Variants in DYTN observed in about 807,000 individuals in gnomAD.
The protein encoded by DYTN is dystrotelin.
A neutral mutation model predicts 69.6 loss-of-function variants in DYTN; 75 were observed. The observed-to-expected ratio is 1.08, with a 90% CI of 0.89 to 1.31. The LOEUF (loss-of-function observed/expected upper bound fraction) is 1.31, where lower values mean the gene tolerates loss of function less well. Ranked by LOEUF, DYTN falls within the 50% of genes most tolerant of loss-of-function variation. The pLI is 0.00. For synonymous variants in DYTN, 252 were observed against 249.1 expected (o/e 1.01, Z -0.11); for missense variants, 726 against 688.4 (o/e 1.05, Z -0.61).
intron 7 of DYTN, among the ~76,000 whole-genome samples, chr2:206,696,632 G>C (rs1699922479): frequency 6.6e-6 from 1 of 152,166 alleles, no homozygotes. Flanking sequence ...GAGAGTTTAA[G>C]TAACTTGCAC....
chr2:206,681,202 G>A (rs1699746908), intron 9 of DYTN, among the ~76,000 whole-genome samples: 1 of 152,154 alleles, frequency 6.6e-6, no homozygotes, highest in Admixed American at 6.6e-5. Context: ...AGGAATACTT[G>A]TGATTTTTGC....
intron 9 of DYTN, among the ~76,000 whole-genome samples, chr2:206,692,032 T>A (rs1337779410): frequency 6.6e-6 from 1 of 152,134 alleles, no homozygotes; most frequent in African/African-American, 2.4e-5. Flanking sequence ...CTCAACACTT[T>A]GGGAGGCCGA....
At chr2:206,715,415 C>G (rs781029031) in intron 1 of DYTN, among the ~76,000 whole-genome samples, 14 of 152,136 alleles carry the variant, frequency 9.2e-5, no homozygotes, top group African/African-American at 3.4e-4. Flanking sequence ...AGCCCGCCAG[C>G]TGCCCGTATA....
chr2:206,678,915 A>G (rs1701979085), intron 9 of DYTN: 1 of 152,218 alleles, frequency 6.6e-6, no homozygotes, highest in African/African-American at 2.4e-5. Flanking sequence ...TGAACATCTT[A>G]AAAAGAATCC....
At chr2:206,686,743 C>T (rs1699813805) in intron 9 of DYTN, 1 of 152,350 alleles carries the variant, frequency 6.6e-6, no homozygotes. Flanking sequence ...TTTGCACACC[C>T]ACAGGTCTCC....
At chr2:206,694,322 A>G (rs962175094) in intron 8 of DYTN, among the ~76,000 whole-genome samples, 3 of 152,136 alleles carry the variant, frequency 2.0e-5, no homozygotes, top group East Asian at 3.8e-4. Flanking sequence ...TTTTTTCCTA[A>G]AGAAGAAATA....
At chr2:206,652,624 A>G (rs189447116) in intron 11 of DYTN, among the ~76,000 whole-genome samples, 246 of 152,362 alleles carry the variant, frequency 1.6e-3, no homozygotes, top group Non-Finnish European at 2.7e-3. Context: ...TTATATACCA[A>G]TAAATAAATT....
At chr2:206,678,555 C>A (rs1699716444) in intron 9 of DYTN, among the ~76,000 whole-genome samples, 1 of 152,102 alleles carries the variant, frequency 6.6e-6, no homozygotes, top group Non-Finnish European at 1.5e-5. Flanking sequence ...CAAATATCAA[C>A]AACGGTGGAG....
intron 7 of DYTN, 46 bp from the exon 8 acceptor site, chr2:206,694,923 A>T: frequency 1.4e-4 from 44 of 310,060 alleles, no homozygotes; most frequent in Middle Eastern, 6.7e-4. Context: ...AGTAGATGAG[A>T]AAAAAAAAAA....
intron 9 of DYTN, among the ~76,000 whole-genome samples, chr2:206,681,818 G>A (rs1051013555): frequency 6.6e-6 from 1 of 152,178 alleles, no homozygotes; most frequent in African/African-American, 2.4e-5. Context: ...GTTCATCAGG[G>A]ATACTGGCCT....
At chr2:206,690,647 C>T (rs546971766) in intron 9 of DYTN, among the ~76,000 whole-genome samples, 7 of 152,256 alleles carry the variant, frequency 4.6e-5, no homozygotes, top group Non-Finnish European at 1.0e-4. Context: ...ACAAGATTTG[C>T]TGATGGATTG....
At chr2:206,655,128 T>A (rs1318019049) in intron 11 of DYTN, among the ~76,000 whole-genome samples, 1 of 152,212 alleles carries the variant, frequency 6.6e-6, no homozygotes, top group Non-Finnish European at 1.5e-5. Flanking sequence ...TTTTTCTTAT[T>A]TGGACTTTAT....
In DYTN at chr2:206,711,906, C is replaced by T. The variant is rs902287111; in HGVS notation, c.20-1308G>A. ...TTAAGAGACTATAACAACGTTACAACGGAGCTTTCTGTTGCTGAAGACTGA... is the reference window on the plus strand; with the variant it reads ...TTAAGAGACTATAACAACGTTACAATGGAGCTTTCTGTTGCTGAAGACTGA... On this transcript the variant is annotated intron_variant, in intron 1 of 11. Transcript: ENST00000452335. Among the ~76,000 whole-genome samples the T allele has an allele frequency of 6.6e-5, 10 of 152,086 alleles. No individual in the cohort carries two copies. In the South Asian group the frequency reaches 8.3e-4, roughly 13 times the overall value.
At chr2:206,709,545 T>C (rs1239778178) in intron 2 of DYTN, among the ~76,000 whole-genome samples, 1 of 152,074 alleles carries the variant, frequency 6.6e-6, no homozygotes, top group Non-Finnish European at 1.5e-5. Flanking sequence ...GATGTGGTCT[T>C]TGAATCGTCC....
Position 206,672,270 on chromosome 2 carries a change from G to A in DYTN, c.981-6241C>T, listed in dbSNP as rs186870147. ...AAAAATATGTTATATACCTAAGATA[G>A]GATGTAGCAACTTTAATAATGAAGG... On this transcript the variant is annotated intron_variant, in intron 9 of 11. Coordinates refer to ENST00000452335, the MANE Select transcript of DYTN (RefSeq NM_001093730.1). 2.1e-3 allele frequency among the ~76,000 whole-genome samples: 324 copies of A among 152,236 alleles called. 2 individuals are homozygous for A. The highest frequency in any genetic ancestry group is 1.6e-3 in the Non-Finnish European group (110 of 68,034).
At chr2:206,692,678 G>A (rs1160719471) in intron 9 of DYTN, among the ~76,000 whole-genome samples, 1 of 152,098 alleles carries the variant, frequency 6.6e-6, no homozygotes, top group Non-Finnish European at 1.5e-5. Flanking sequence ...TAAAAATGAT[G>A]TTTTGGGAAC....
At chr2:206,708,321 G>T (rs1369026513) in intron 2 of DYTN, among the ~76,000 whole-genome samples, 2 of 152,190 alleles carry the variant, frequency 1.3e-5, no homozygotes, top group Non-Finnish European at 2.9e-5. Flanking sequence ...CCATCTGAGA[G>T]GTGGGGATAT....
intron 9 of DYTN, among the ~76,000 whole-genome samples, chr2:206,692,002 T>C (rs1699868275): frequency 6.6e-6 from 1 of 152,142 alleles, no homozygotes; most frequent in Non-Finnish European, 1.5e-5. Context: ...AGGCTGGGCA[T>C]GGTGGCTCGT....
chr2:206,693,819 C>T (rs1382965405), intron 8 of DYTN, among the ~76,000 whole-genome samples: 2 of 152,204 alleles, frequency 1.3e-5, no homozygotes, highest in African/African-American at 4.8e-5. Context: ...TCAAGGGTTT[C>T]AGCACTTGAA....
Sources: allele counts gnomAD v4.1 joint callset (sites outside exome capture counted in the v4.1 genomes callset), GRCh38; gene constraint gnomAD v4.1.1; transcripts MANE v1.5; gene names NCBI Gene and HGNC (gene_info 2026-07-23, HGNC 2026-07-21).